SLC14A2: variants seen among roughly 807,000 people sequenced by gnomAD.
SLC14A2 encodes the protein urea transporter 2.
In SLC14A2, 91 loss-of-function variants were observed where a neutral mutation model predicts 104.6. That is an observed-to-expected ratio of 0.87 (90% CI 0.73 to 1.04). The LOEUF (loss-of-function observed/expected upper bound fraction) is 1.04, where lower values mean the gene tolerates loss of function less well. Among genes scored for constraint, SLC14A2 ranks in the 50% least tolerant of loss-of-function variants. The probability of loss-of-function intolerance (pLI) is 0.00; values close to 1 mark genes in which losing one functional copy is unlikely to be tolerated. For missense variants in SLC14A2, 1,189 were observed against 1,156.0 expected (o/e 1.03, Z -0.41); for synonymous variants, 476 against 466.4 (o/e 1.02, Z -0.27).
chr18:45,536,491 G>GCATCA (rs1332144486), intron 2 of SLC14A2, among the ~76,000 whole-genome samples: 1 of 152,272 alleles, frequency 6.6e-6, no homozygotes, highest in East Asian at 1.9e-4. Flanking sequence ...GCTTGTGGAT[G>GCATCA]CATCACTCTA....
intron 1 of SLC14A2, among the ~76,000 whole-genome samples, chr18:45,375,356 C>T (rs1419694705): frequency 5.3e-5 from 8 of 152,200 alleles, no homozygotes; most frequent in African/African-American, 1.9e-4. Context: ...GCAGACCCTG[C>T]ATGGGATGGA....
chr18:45,658,981 A>G (rs2045889390), intron 10 of SLC14A2, among the ~76,000 whole-genome samples: 1 of 152,174 alleles, frequency 6.6e-6, no homozygotes, highest in Non-Finnish European at 1.5e-5. Context: ...GCAATCCTCG[A>G]GGGCAGGGAC....
At chr18:45,550,967 A>T (rs977793211) in intron 2 of SLC14A2, among the ~76,000 whole-genome samples, 1 of 152,208 alleles carries the variant, frequency 6.6e-6, no homozygotes, top group African/African-American at 2.4e-5. Flanking sequence ...AGAGGGCTAG[A>T]ATAATCAGGA....
chr18:45,671,019 T>C (rs938831897), intron 16 of SLC14A2, among the ~76,000 whole-genome samples: 4 of 152,190 alleles, frequency 2.6e-5, no homozygotes, highest in Non-Finnish European at 5.9e-5. Context: ...AGGACCTTCT[T>C]GGACCAGAAA....
intron 1 of SLC14A2, among the ~76,000 whole-genome samples, chr18:45,315,682 G>A (rs1007564079): frequency 3.3e-5 from 5 of 152,112 alleles, no homozygotes; most frequent in East Asian, 3.9e-4. Flanking sequence ...TATTTTGGCC[G>A]TAAGAAGAGA....
At chr18:45,559,808 G>C (rs1046234756) in intron 2 of SLC14A2, among the ~76,000 whole-genome samples, 66 of 152,236 alleles carry the variant, frequency 4.3e-4, no homozygotes, top group African/African-American at 1.6e-3. Context: ...TCCTCCTTGG[G>C]GTGCACCCTA....
chr18:45,246,825 T>C (rs1432601739), intron 1 of SLC14A2, among the ~76,000 whole-genome samples: 1 of 151,952 alleles, frequency 6.6e-6, no homozygotes, highest in African/African-American at 2.4e-5. Flanking sequence ...CCTGGCCAAA[T>C]ATAGTGAAAC....
intron 15 of SLC14A2, among the ~76,000 whole-genome samples, 155 bp from the exon 16 acceptor site, chr18:45,669,151 C>T (rs1285092878): frequency 1.3e-5 from 2 of 152,206 alleles, no homozygotes; most frequent in African/African-American, 4.8e-5. Context: ...GAGGAAGAGG[C>T]CCAGGGAAAG....
intron 1 of SLC14A2, among the ~76,000 whole-genome samples, chr18:45,354,366 G>A (rs2085531127): frequency 6.6e-6 from 1 of 152,226 alleles, no homozygotes. Flanking sequence ...GAGCTGGGAT[G>A]CACTGGCTTC....
chr18:45,175,620 A>G, the SLC14A2 span, among the ~76,000 whole-genome samples: 1 of 152,134 alleles, frequency 6.6e-6, no homozygotes, highest in Admixed American at 6.6e-5. Context: ...CTGTTTTCTA[A>G]GGTGACAGGC....
intron 2 of SLC14A2, among the ~76,000 whole-genome samples, chr18:45,598,227 G>A (rs2044740972): frequency 6.6e-6 from 1 of 152,164 alleles, no homozygotes; most frequent in Non-Finnish European, 1.5e-5. Context: ...GGTTATCTCT[G>A]TCTCATTTTA....
intron 1 of SLC14A2, among the ~76,000 whole-genome samples, chr18:45,353,945 A>G (rs572559893): frequency 3.3e-4 from 51 of 152,294 alleles, no homozygotes; most frequent in Non-Finnish European, 6.3e-4. Context: ...AGCAAGATGT[A>G]TGGGGACTCT....
At chr18:45,278,815 C>G (rs755960964) in intron 1 of SLC14A2, among the ~76,000 whole-genome samples, 6 of 152,138 alleles carry the variant, frequency 3.9e-5, no homozygotes, top group Non-Finnish European at 8.8e-5. Flanking sequence ...GCTGTATTAT[C>G]GATTATAATT....
intron 2 of SLC14A2, among the ~76,000 whole-genome samples, chr18:45,512,492 T>C (rs1240217931): frequency 6.6e-6 from 1 of 152,146 alleles, no homozygotes; most frequent in Admixed American, 6.5e-5. Flanking sequence ...TGCCTTTCCA[T>C]CATTTTGGCA....
intron 1 of SLC14A2, among the ~76,000 whole-genome samples, chr18:45,298,009 C>G (rs767663937): frequency 6.6e-6 from 1 of 152,194 alleles, no homozygotes; most frequent in African/African-American, 2.4e-5. Flanking sequence ...ATGCCTGTGT[C>G]TCCATTTTAA....
At chr18:45,310,805 G>A (rs1267058078) in intron 1 of SLC14A2, among the ~76,000 whole-genome samples, 1 of 152,214 alleles carries the variant, frequency 6.6e-6, no homozygotes, top group South Asian at 2.1e-4. Flanking sequence ...GTCATTGACT[G>A]TAGGAAGAAG....
At chr18:45,387,995 T>C (rs968498035) in intron 1 of SLC14A2, among the ~76,000 whole-genome samples, 8 of 151,444 alleles carry the variant, frequency 5.3e-5, no homozygotes, top group Non-Finnish European at 1.0e-4. Context: ...ATTTAAAGGC[T>C]GTATACAGCT....
intron 1 of SLC14A2, among the ~76,000 whole-genome samples, chr18:45,619,930 G>A (rs1023491353): frequency 3.3e-5 from 5 of 152,164 alleles, no homozygotes; most frequent in Non-Finnish European, 7.3e-5. Flanking sequence ...AGAAGCCTAC[G>A]TTGCCCTTCG....
intron 2 of SLC14A2, among the ~76,000 whole-genome samples, chr18:45,546,635 T>C (rs963400902): frequency 6.6e-6 from 1 of 152,184 alleles, no homozygotes; most frequent in African/African-American, 2.4e-5. Context: ...AGTCAAAGGA[T>C]TGGTTTCGAA....
Sources: gnomAD v4.1 joint callset for allele counts (sites outside exome capture counted in the v4.1 genomes callset) on GRCh38, gnomAD v4.1.1 for gene constraint, MANE v1.5 for transcripts, NCBI Gene and HGNC (gene_info 2026-07-23, HGNC 2026-07-21) for gene names.